LIMS2: variants seen among roughly 807,000 people sequenced by gnomAD.
LIMS2 encodes LIM and senescent cell antigen-like-containing domain protein 2.
Under a neutral mutation model 45.3 loss-of-function variants are expected in LIMS2, and 30 were observed. The ratio of observed to expected loss-of-function variants is 0.66; its 90% CI spans 0.50 to 0.90. The LOEUF is 0.90. LIMS2 is among the 40% of genes least tolerant of loss of function. LIMS2 has a pLI of 0.00. For synonymous variants in LIMS2, 173 were observed against 188.0 expected (o/e 0.92, Z 0.65); for missense variants, 485 against 468.7 (o/e 1.03, Z -0.32).
In LIMS2 at chr2:127,664,458, A is replaced by C; in HGVS notation, c.12-6896T>G. 8.4e-7 allele frequency: 1 copy of C among 1,185,592 alleles called. No homozygotes were observed. The highest frequency in any genetic ancestry group is 1.0e-6 in the Non-Finnish European group (1 of 958,378). 73.4% of individuals were successfully genotyped at this position (1,185,592 alleles called of 1,614,324 possible). ...TGCAGGGGCTATGGGACCACCTCGGAGGGGAGGCGCGGCCGCCTGGGGCCA... is the reference window on the plus strand; with the variant it reads ...TGCAGGGGCTATGGGACCACCTCGGCGGGGAGGCGCGGCCGCCTGGGGCCA... On this transcript the variant is annotated intron_variant, in intron 1 of 9. Coordinates refer to ENST00000355119, the MANE Select transcript of LIMS2 (RefSeq NM_001161403.3). The surrounding 1 kb of genome is among the most constrained non-coding windows in gnomAD (Gnocchi z 5.5).
rs1191977098 is a variant in LIMS2 at position 127,647,462 on chromosome 2, C to T, written c.360-4390G>A. The stretch of plus-strand genomic sequence containing the variant: ...ACATGGGGCTAAAACTGGTTTGAGC[C>T]AGCACAGGCAGGCCCCCACCATGCC... On this transcript the variant is annotated intron_variant, in intron 4 of 9. Coordinates refer to ENST00000355119, the MANE Select transcript of LIMS2 (RefSeq NM_001161403.3). The surrounding 1 kb of genome is among the most constrained non-coding windows in gnomAD (Gnocchi z 4.3). Among the ~76,000 whole-genome samples, 1 of 152,172 alleles carries T rather than the reference C, an allele frequency of 6.6e-6. No individual in the cohort carries two copies. The highest frequency in any genetic ancestry group is 1.5e-5 in the Non-Finnish European group (1 of 68,016).
chr2:127,653,783 G>A lies in LIMS2; in HGVS notation c.359+641C>T, dbSNP rs1163776971. Among the ~76,000 whole-genome samples, 2 of 152,110 alleles carry A rather than the reference G, an allele frequency of 1.3e-5. No individual in the cohort carries two copies. Reference sequence around the variant, plus strand: ...CACGCGAGGGGCAGCGGGTGTGCTGGGAGAAGCCGGGGAGGAAGGCCCAGC... The same window carrying A: ...CACGCGAGGGGCAGCGGGTGTGCTGAGAGAAGCCGGGGAGGAAGGCCCAGC... On this transcript the variant is annotated intron_variant, in intron 4 of 9. Transcript: ENST00000355119. The surrounding 1 kb of genome is among the most constrained non-coding windows in gnomAD (Gnocchi z 5.3).
Position 127,639,133 on chromosome 2 carries a change from G to C in LIMS2, c.*148C>G. On this transcript the variant is annotated 3_prime_UTR_variant, in exon 10 of 10. Transcript: ENST00000355119. ...GGAGAGACATGGGGAAGGCAGAGAT[G>C]AGGGAACAGGAAGGGAGAAGGCAAT... The C allele has an allele frequency of 1.2e-6, 1 of 818,734 alleles. No homozygotes were observed. Among genetic ancestry groups the C allele is most frequent in the Non-Finnish European group, 1.9e-6 (1 of 528,748 alleles). 50.7% of individuals were successfully genotyped at this position (818,734 alleles called of 1,614,324 possible). A position where few individuals can be genotyped will look rare whatever the true frequency, so the allele number is the denominator to read the frequency against.
chr2:127,661,618 A>G (rs1261293466), intron 1 of LIMS2, among the ~76,000 whole-genome samples: 1 of 152,160 alleles, frequency 6.6e-6, no homozygotes, highest in East Asian at 1.9e-4. Flanking sequence ...CCCAGGGCAC[A>G]CCCAGCCTGG....
chr2:127,660,676 CGTGA>C (rs140315965), intron 1 of LIMS2, among the ~76,000 whole-genome samples: 5,582 of 152,180 alleles, frequency 0.037, 325 homozygotes, highest in African/African-American at 0.13. Flanking sequence ...TAACACTCAC[CGTGA>C]GGGTCCATGG....
chr2:127,673,644 C>G, intron 1 of LIMS2: 2 of 1,547,622 alleles, frequency 1.3e-6, no homozygotes, highest in South Asian at 2.4e-5. Context: ...CCTCGACATC[C>G]CTCCTGTGCC....
At chr2:127,666,708 G>A (rs1008213472) in intron 1 of LIMS2, among the ~76,000 whole-genome samples, 27 of 151,898 alleles carry the variant, frequency 1.8e-4, no homozygotes, top group South Asian at 2.1e-4. Flanking sequence ...TCGACTCACA[G>A]TTGAACAGGG....
chr2:127,661,097 A>C (rs185743125), intron 1 of LIMS2, among the ~76,000 whole-genome samples: 2 of 152,350 alleles, frequency 1.3e-5, no homozygotes, highest in East Asian at 3.9e-4. Flanking sequence ...GCACCATGAG[A>C]GAACACGCTT....
Position 127,653,066 on chromosome 2 carries a change from C to T in LIMS2, c.359+1358G>A, listed in dbSNP as rs1308027389. Among the ~76,000 whole-genome samples, 1 of 152,166 alleles carries T rather than the reference C, an allele frequency of 6.6e-6. No homozygotes were observed. The highest frequency in any genetic ancestry group is 1.5e-5 in the Non-Finnish European group (1 of 68,026). On this transcript the variant is annotated intron_variant, in intron 4 of 9. Coordinates refer to ENST00000355119, the MANE Select transcript of LIMS2 (RefSeq NM_001161403.3). This position sits in a 1 kb window ranked among gnomAD's most constrained non-coding sequence, Gnocchi z 5.3. ...CTGTCCCTCGGCCCCTGCACTGCACCGTCTGCCCCTCAGCCCTTCATTTAG... is the reference window on the plus strand; with the variant it reads ...CTGTCCCTCGGCCCCTGCACTGCACTGTCTGCCCCTCAGCCCTTCATTTAG...
chr2:127,641,212 G>C, intron 6 of LIMS2: 1 of 523,526 alleles, frequency 1.9e-6, no homozygotes, highest in Non-Finnish European at 3.5e-6. Context: ...CTCTGTGAAT[G>C]CCCTGGGGTC....
At chr2:127,650,211 T>A in intron 4 of LIMS2, 1 of 746,346 alleles carries the variant, frequency 1.3e-6, no homozygotes, top group Non-Finnish European at 2.2e-6. Flanking sequence ...ACTGCACCTG[T>A]GGGCAGGTGG....
At position 127,655,455 on chromosome 2, in the gene LIMS2, ACAAG is replaced by A. The variant is rs1456958954; in HGVS notation, c.172-563_172-560del. ...GCCAGCGAGGGCCCCTGTGCTGGCC[ACAAG>A]CGGGGCCAAAGCCTGCCTCTGCTTT... On this transcript the variant is annotated intron_variant, in intron 2 of 9. Transcript: ENST00000355119. 6 of 160,114 alleles carry A rather than the reference ACAAG, an allele frequency of 3.7e-5. No individual in the cohort carries two copies. The East Asian group carries it at 1.1e-3, about 29-fold the overall frequency. The allele number at this position is 160,114 out of a possible 1,614,324, so 9.9% of individuals were successfully genotyped here. A position where few individuals can be genotyped will look rare whatever the true frequency, so the allele number is the denominator to read the frequency against.
At chr2:127,662,896 T>C (rs1416071780) in intron 1 of LIMS2, among the ~76,000 whole-genome samples, 1 of 152,202 alleles carries the variant, frequency 6.6e-6, no homozygotes, top group Non-Finnish European at 1.5e-5. Flanking sequence ...ATGAAACCTG[T>C]CTGAAATTAG....
At position 127,668,668 on chromosome 2, in the gene LIMS2, C is replaced by CAAAAAAAAAAAAAAAAA. The variant is rs70985469; in HGVS notation, c.11+6329_11+6345dup. ...TGGGTGACAGAGTGAGACTCCGTCTCAAAAAAAAAAAAAAAAAAAAAAAAA... is the reference window on the plus strand; with the variant it reads ...TGGGTGACAGAGTGAGACTCCGTCTCAAAAAAAAAAAAAAAAAAAAAAAAAAAAAAAAAAAAAAAAAA... On this transcript the variant is annotated intron_variant, in intron 1 of 9. Transcript: ENST00000355119. 3.5e-4 allele frequency among the ~76,000 whole-genome samples: 6 copies of CAAAAAAAAAAAAAAAAA among 17,264 alleles called. 1 individual carries two copies. Among genetic ancestry groups the CAAAAAAAAAAAAAAAAA allele is most frequent in the Admixed American group, 2.4e-3 (2 of 820 alleles). The allele number at this position is 17,264 out of a possible 152,430, so 11.3% of individuals were successfully genotyped here. A position where few individuals can be genotyped will look rare whatever the true frequency, so the allele number is the denominator to read the frequency against.
chr2:127,665,849 A>G (rs1483928792), intron 1 of LIMS2, among the ~76,000 whole-genome samples: 1 of 152,354 alleles, frequency 6.6e-6, no homozygotes, highest in African/African-American at 2.4e-5. Flanking sequence ...TAGGGCTCCA[A>G]GGGTCACATA....
In LIMS2 at chr2:127,672,348, G is replaced by A. The variant is rs879849549; in HGVS notation, c.11+2666C>T. 3.9e-5 allele frequency among the ~76,000 whole-genome samples: 6 copies of A among 152,066 alleles called. No homozygotes were observed. The highest frequency in any genetic ancestry group is 2.1e-4 in the South Asian group (1 of 4,828). On this transcript the variant is annotated intron_variant, in intron 1 of 9. Coordinates refer to ENST00000355119, the MANE Select transcript of LIMS2 (RefSeq NM_001161403.3). The surrounding 1 kb of genome is among the most constrained non-coding windows in gnomAD (Gnocchi z 4.9). Reference sequence around the variant, plus strand: ...GCCGAGCCCCCTCTCTTCCCACGGCGTGCCACCCCATGCTCTGGGCTGCCT... The same window carrying A: ...GCCGAGCCCCCTCTCTTCCCACGGCATGCCACCCCATGCTCTGGGCTGCCT...
intron 1 of LIMS2, among the ~76,000 whole-genome samples, chr2:127,660,223 A>T (rs960278664): frequency 6.6e-6 from 1 of 152,156 alleles, no homozygotes; most frequent in Non-Finnish European, 1.5e-5. Context: ...AAATAGACCA[A>T]TTAGCACTCT....
At chr2:127,654,796 G>A in intron 3 of LIMS2, 34 bp downstream of exon 3, 1 of 1,610,550 alleles carries the variant, frequency 6.2e-7, no homozygotes, top group Admixed American at 1.7e-5. Context: ...CCACTTCCCA[G>A]GCAGCCCAGG....
intron 4 of LIMS2, chr2:127,646,229 G>A (rs184836640): frequency 3.9e-5 from 6 of 152,274 alleles, no homozygotes; most frequent in Non-Finnish European, 5.9e-5. Flanking sequence ...CCTTCCTCCC[G>A]GACCAGCAGC....
Sources: gnomAD v4.1 joint callset for allele counts (sites outside exome capture counted in the v4.1 genomes callset) on GRCh38, gnomAD v4.1.1 for gene constraint, Gnocchi (gnomAD v3.1) non-coding constraint, MANE v1.5 for transcripts, NCBI Gene and HGNC (gene_info 2026-07-23, HGNC 2026-07-21) for gene names.